The following ZHX3 variants were observed in gnomAD, a reference collection of about 807,000 sequenced individuals.
The protein encoded by ZHX3 is zinc fingers and homeoboxes protein 3.
A neutral mutation model predicts 64.5 loss-of-function variants in ZHX3; 20 were observed. The observed-to-expected ratio is 0.31, with a 90% CI of 0.22 to 0.45. ZHX3 has a LOEUF of 0.45. ZHX3 is among the 20% of genes least tolerant of loss of function. The pLI is 1.00. For missense variants in ZHX3, 1,041 were observed against 1,195.8 expected (o/e 0.87, Z 1.91); for synonymous variants, 423 against 461.6 (o/e 0.92, Z 1.07).
At chr20:41,190,789 A>G (rs1449866108) in intron 3 of ZHX3, among the ~76,000 whole-genome samples, 1 of 152,142 alleles carries the variant, frequency 6.6e-6, no homozygotes, top group Non-Finnish European at 1.5e-5. Flanking sequence ...TCCTTCATTT[A>G]TGAAGGATAA....
chr20:41,186,813 G>C (rs190161695), intron 3 of ZHX3, among the ~76,000 whole-genome samples: 1 of 152,088 alleles, frequency 6.6e-6, no homozygotes, highest in African/African-American at 2.4e-5. Context: ...TCATTTGCCC[G>C]TTTTTGAATT....
At chr20:41,235,049 C>T (rs1321453473) in intron 2 of ZHX3, among the ~76,000 whole-genome samples, 2 of 152,194 alleles carry the variant, frequency 1.3e-5, no homozygotes, top group Admixed American at 6.5e-5. Flanking sequence ...GCCAAACCAG[C>T]AGGCAGCCTC....
intron 2 of ZHX3, among the ~76,000 whole-genome samples, chr20:41,258,341 A>G (rs1265263783): frequency 6.6e-6 from 1 of 152,200 alleles, no homozygotes; most frequent in Non-Finnish European, 1.5e-5. Flanking sequence ...TACCAGAACC[A>G]GAACTTTAAT....
chr20:41,266,823 GC>G (rs1193935501), intron 2 of ZHX3, among the ~76,000 whole-genome samples: 1 of 149,066 alleles, frequency 6.7e-6, no homozygotes, highest in African/African-American at 2.5e-5. Context: ...AGGATTACAG[GC>G]GTGAGCCACC....
intron 2 of ZHX3, among the ~76,000 whole-genome samples, chr20:41,222,175 TAAGAAGA>T (rs1485834376): frequency 6.6e-6 from 1 of 152,174 alleles, no homozygotes; most frequent in East Asian, 1.9e-4. Context: ...GAGATGGAGG[TAAGAAGA>T]AGTGGCTGGA....
Position 41,204,220 on chromosome 20 carries a change from T to C in ZHX3, c.697A>G (p.Ile233Val). The C allele has an allele frequency of 6.2e-7, 1 of 1,613,142 alleles. No individual in the cohort carries two copies. Among genetic ancestry groups the C allele is most frequent in the Non-Finnish European group, 8.5e-7 (1 of 1,179,504 alleles). The stretch of plus-strand genomic sequence containing the variant: ...TGGCTGACTGGAACTGCCCCATTGA[T>C]GAAGGAATGGTCCCCCTCTCTCACC... ...MEVREGDHSF[I>V]NGAVPVSQAS... The change falls in exon 3 of 4, where the codon ATC becomes GTC. Residue 233 changes from isoleucine to valine, a missense_variant. Ile to Val is a conservative substitution (Grantham distance 29). Coordinates refer to ENST00000683867, the MANE Select transcript of ZHX3 (RefSeq NM_001384317.1). The surrounding 1 kb of genome is among the most constrained non-coding windows in gnomAD (Gnocchi z 6.6).
chr20:41,201,326 A>G lies in ZHX3; in HGVS notation c.2860+731T>C. 1 of 1,304,700 alleles carries G rather than the reference A, an allele frequency of 7.7e-7. No individual in the cohort carries two copies. The highest frequency in any genetic ancestry group is 1.0e-6 in the Non-Finnish European group (1 of 989,034). 80.8% of individuals were successfully genotyped at this position (1,304,700 alleles called of 1,614,324 possible). On this transcript the variant is annotated intron_variant, in intron 3 of 3. Coordinates refer to ENST00000683867, the MANE Select transcript of ZHX3 (RefSeq NM_001384317.1). This position sits in a 1 kb window ranked among gnomAD's most constrained non-coding sequence, Gnocchi z 5.0. ...CCCTCTGATGGGGTCTCTAATGAGA[A>G]CACAAATGTCAAAGGGTAAGGAGGG...
intron 2 of ZHX3, among the ~76,000 whole-genome samples, chr20:41,233,352 A>G (rs2040754551): frequency 6.6e-6 from 1 of 152,184 alleles, no homozygotes; most frequent in African/African-American, 2.4e-5. Context: ...GCCACTTTTT[A>G]CATCCTCCTA....
chr20:41,202,881 G>A lies in ZHX3; in HGVS notation c.2036C>T (p.Ala679Val). ...AEETKKAEEN[A>V]SQEEEEAAED... ...AGCAGCCTCCTCTTCCTCCTGAGAG[G>A]CATTCTCCTCAGCCTTCTTGGTCTC... Residue 679 changes from alanine to valine, a missense_variant, in exon 3 of 4, where the codon GCC (alanine) becomes GTC (valine). By Grantham distance (64) the Ala-to-Val change is moderately conservative. Transcript: ENST00000683867. This position sits in a 1 kb window ranked among gnomAD's most constrained non-coding sequence, Gnocchi z 7.0. 1.2e-6 allele frequency: 2 copies of A among 1,614,102 alleles called. No individual in the cohort carries two copies. Among genetic ancestry groups the A allele is most frequent in the Non-Finnish European group, 1.7e-6 (2 of 1,180,020 alleles).
chr20:41,311,058 T>C (rs996371946), intron 1 of ZHX3, among the ~76,000 whole-genome samples: 3 of 152,334 alleles, frequency 2.0e-5, no homozygotes, highest in African/African-American at 4.8e-5. Flanking sequence ...TCCGCCCGCC[T>C]AGGCCTCCCA....
chr20:41,261,349 A>C (rs2042553331), intron 2 of ZHX3, among the ~76,000 whole-genome samples: 1 of 152,218 alleles, frequency 6.6e-6, no homozygotes, highest in Non-Finnish European at 1.5e-5. Flanking sequence ...ATCTGTAAAC[A>C]AACAAAAATG....
chr20:41,196,341 A>ATATAAATATATATCT (rs1219297827), intron 3 of ZHX3, among the ~76,000 whole-genome samples: 1 of 98,728 alleles, frequency 1.0e-5, no homozygotes, highest in East Asian at 2.3e-4. Context: ...TTTATTTCAT[A>ATATAAATATATATCT]TATAAATATA....
chr20:41,275,706 T>C (rs1163040624), intron 1 of ZHX3, among the ~76,000 whole-genome samples: 1 of 152,232 alleles, frequency 6.6e-6, no homozygotes, highest in Non-Finnish European at 1.5e-5. Context: ...ACATGGCAGA[T>C]GGAGAGGACT....
intron 2 of ZHX3, among the ~76,000 whole-genome samples, chr20:41,229,791 A>G (rs1038115287): frequency 1.3e-5 from 2 of 152,046 alleles, no homozygotes; most frequent in African/African-American, 4.8e-5. Flanking sequence ...GAAATTCTCT[A>G]TATGTTCTAG....
chr20:41,277,555 C>T (rs1166810774), intron 1 of ZHX3, among the ~76,000 whole-genome samples: 2 of 151,826 alleles, frequency 1.3e-5, no homozygotes, highest in African/African-American at 4.8e-5. Context: ...ACAGAGAATT[C>T]TCTCAAATTT....
Position 41,203,646 on chromosome 20 carries a change from C to T in ZHX3, c.1271G>A (p.Gly424Glu), listed in dbSNP as rs768536274. Residue 424 changes from glycine (G) to glutamate (E), a missense_variant, in exon 3 of 4, where the codon GGA (glycine) becomes GAA (glutamate). This residue lies in a region of ZHX3 where 649 missense variants were observed against 739.8 expected (regional missense o/e 0.88). Coordinates refer to ENST00000683867, the MANE Select transcript of ZHX3 (RefSeq NM_001384317.1). This position sits in a 1 kb window ranked among gnomAD's most constrained non-coding sequence, Gnocchi z 7.1. ...VVGQPEGTGG[G>E]LLVTQPLMAN... ...CATCAATGGCTGAGTGACCAGAAGTCCCCCTCCTGTACCCTCTGGCTGCCC... is the reference window on the plus strand; with the variant it reads ...CATCAATGGCTGAGTGACCAGAAGTTCCCCTCCTGTACCCTCTGGCTGCCC... 3 of 1,614,048 alleles carry T rather than the reference C, an allele frequency of 1.9e-6. No individual in the cohort carries two copies. The African/African-American group carries it at 4.0e-5, about 22-fold the overall frequency.
At chr20:41,215,770 T>TAAAAAAAAAAA (rs55922605) in intron 2 of ZHX3, among the ~76,000 whole-genome samples, 258 of 100,616 alleles carry the variant, frequency 2.6e-3, no homozygotes, top group East Asian at 4.1e-3. Flanking sequence ...ACGTCTCTAC[T>TAAAAAAAAAAA]AAAAAAAAAA....
In ZHX3 at chr20:41,232,362, C is replaced by G. The variant is rs929029513; in HGVS notation, c.-150-27296G>C. Among the ~76,000 whole-genome samples, 3 of 151,832 alleles carry G rather than the reference C, an allele frequency of 2.0e-5. No individual in the cohort carries two copies. The highest frequency in any genetic ancestry group is 6.6e-5 in the Admixed American group (1 of 15,258). ...AGAACTAGTATACAGCAAAGCAGACCTGGGGAGTGTGTGGTGTAGCCATGT... is the reference window on the plus strand; with the variant it reads ...AGAACTAGTATACAGCAAAGCAGACGTGGGGAGTGTGTGGTGTAGCCATGT... On this transcript the variant is annotated intron_variant, in intron 2 of 3. Transcript: ENST00000683867. The surrounding 1 kb of genome is among the most constrained non-coding windows in gnomAD (Gnocchi z 5.0).
At chr20:41,222,262 G>C (rs1374465808) in intron 2 of ZHX3, among the ~76,000 whole-genome samples, 3 of 152,198 alleles carry the variant, frequency 2.0e-5, no homozygotes, top group African/African-American at 7.2e-5. Context: ...TGTGAACATT[G>C]TAGCCACGGG....
Sources: gnomAD v4.1 joint callset for allele counts (sites outside exome capture counted in the v4.1 genomes callset) on GRCh38, gnomAD v4.1.1 for gene constraint, gnomAD v4.1.1 regional missense constraint, Gnocchi (gnomAD v3.1) non-coding constraint, MANE v1.5 for transcripts, NCBI Gene and HGNC (gene_info 2026-07-23, HGNC 2026-07-21) for gene names.